The following CCDC7 variants were observed in gnomAD, a reference collection of about 807,000 sequenced individuals.
The protein encoded by CCDC7 is coiled-coil domain-containing protein 7.
CCDC7 carries 183 observed loss-of-function variants against 196.9 expected under a neutral mutation model. That is an observed-to-expected ratio of 0.93 (90% CI 0.82 to 1.05). The LOEUF is 1.05. Among genes scored for constraint, CCDC7 ranks in the 50% least tolerant of loss-of-function variants. The pLI is 0.00. For missense variants in CCDC7, 1,540 were observed against 1,482.2 expected (o/e 1.04, Z -0.64); for synonymous variants, 525 against 484.6 (o/e 1.08, Z -1.10).
chr10:32,763,927 T>C (rs1006725081), intron 28 of CCDC7, among the ~76,000 whole-genome samples: 8 of 151,832 alleles, frequency 5.3e-5, no homozygotes, highest in African/African-American at 1.9e-4. Flanking sequence ...TAGTTAATAT[T>C]CTGTATACTT....
At chr10:32,469,794 G>C (rs1203566216) in intron 5 of CCDC7, among the ~76,000 whole-genome samples, 1 of 152,080 alleles carries the variant, frequency 6.6e-6, no homozygotes, top group East Asian at 1.9e-4. Context: ...AAGAAGCAGA[G>C]AGAGATACAC....
intron 29 of CCDC7, among the ~76,000 whole-genome samples, chr10:32,789,933 G>C (rs2082434153): frequency 1.3e-5 from 2 of 152,176 alleles, no homozygotes; most frequent in Admixed American, 1.3e-4. Context: ...ATACAACAAG[G>C]AAAGCAACGT....
chr10:32,573,183 T>C (rs2057786641), intron 16 of CCDC7, among the ~76,000 whole-genome samples: 1 of 152,176 alleles, frequency 6.6e-6, no homozygotes, highest in South Asian at 2.1e-4. Flanking sequence ...CAGCTGGTGC[T>C]CTTATATTCA....
intron 18 of CCDC7, among the ~76,000 whole-genome samples, chr10:32,622,831 G>A (rs1215715086): frequency 6.6e-6 from 1 of 151,434 alleles, no homozygotes; most frequent in Non-Finnish European, 1.5e-5. Flanking sequence ...CTGTTACAGG[G>A]TTAGCAATAA....
intron 25 of CCDC7, among the ~76,000 whole-genome samples, chr10:32,724,865 C>T (rs769724620): frequency 2.0e-5 from 3 of 152,194 alleles, no homozygotes; most frequent in Admixed American, 1.3e-4. Context: ...CACATCCCTA[C>T]GGAGATCACA....
At chr10:32,464,423 T>A (rs1475095245) in intron 5 of CCDC7, among the ~76,000 whole-genome samples, 2 of 152,202 alleles carry the variant, frequency 1.3e-5, no homozygotes, top group African/African-American at 4.8e-5. Context: ...GATATATTGT[T>A]CTTTCTTATA....
At chr10:32,791,508 G>A (rs1235083587) in intron 29 of CCDC7, among the ~76,000 whole-genome samples, 2 of 151,888 alleles carry the variant, frequency 1.3e-5, no homozygotes, top group Admixed American at 1.3e-4. Flanking sequence ...GAATGATAAA[G>A]TCAATAAAGC....
intron 28 of CCDC7, among the ~76,000 whole-genome samples, chr10:32,767,413 A>G (rs1006235694): frequency 1.3e-5 from 2 of 152,150 alleles, no homozygotes; most frequent in African/African-American, 4.8e-5. Context: ...TTTCTAAACT[A>G]TTGATTGTAT....
At chr10:32,821,653 C>A (rs1030094744) in intron 31 of CCDC7, among the ~76,000 whole-genome samples, 1 of 152,148 alleles carries the variant, frequency 6.6e-6, no homozygotes, top group Non-Finnish European at 1.5e-5. Context: ...GAGCTCATGT[C>A]CTTTGTAGGG....
At chr10:32,674,596 T>C (rs1241020589) in intron 21 of CCDC7, among the ~76,000 whole-genome samples, 1 of 152,114 alleles carries the variant, frequency 6.6e-6, no homozygotes, top group Non-Finnish European at 1.5e-5. Flanking sequence ...GGCTGTTAGG[T>C]CCATTTGGTC....
intron 28 of CCDC7, among the ~76,000 whole-genome samples, chr10:32,764,911 G>A (rs1301510788): frequency 2.0e-5 from 3 of 152,048 alleles, no homozygotes; most frequent in African/African-American, 4.8e-5. Context: ...AATCAAAGTA[G>A]AAATCAGAAT....
At chr10:32,734,951 A>C (rs2084614675) in intron 28 of CCDC7, among the ~76,000 whole-genome samples, 1 of 152,012 alleles carries the variant, frequency 6.6e-6, no homozygotes, top group Non-Finnish European at 1.5e-5. Context: ...AAATAAAATA[A>C]ATTTTAAAAA....
intron 9 of CCDC7, among the ~76,000 whole-genome samples, chr10:32,502,930 G>A (rs2044302613): frequency 6.6e-6 from 1 of 152,016 alleles, no homozygotes; most frequent in African/African-American, 2.4e-5. Flanking sequence ...AAATGGGATT[G>A]TTTTCTTGCC....
At chr10:32,633,754 A>G (rs111494377) in intron 18 of CCDC7, among the ~76,000 whole-genome samples, 1,968 of 89,180 alleles carry the variant, frequency 0.022, 41 homozygotes, top group African/African-American at 0.063. Context: ...GTGTGTGTGT[A>G]TATATATATG....
chr10:32,880,163 C>T (rs958206717), downstream of CCDC7, among the ~76,000 whole-genome samples: 2 of 152,140 alleles, frequency 1.3e-5, no homozygotes, highest in Middle Eastern at 6.3e-3. Context: ...TTTACACTCC[C>T]ACCAGCAGTG....
chr10:32,818,611 A>T (rs1200229285), intron 31 of CCDC7, among the ~76,000 whole-genome samples: 1 of 152,222 alleles, frequency 6.6e-6, no homozygotes, highest in Non-Finnish European at 1.5e-5. Flanking sequence ...CAGCAAATGT[A>T]AAAGCACAGA....
intron 28 of CCDC7, among the ~76,000 whole-genome samples, chr10:32,745,355 C>T (rs756891831): frequency 1.8e-4 from 27 of 152,142 alleles, no homozygotes; most frequent in South Asian, 4.1e-4. Context: ...TTATTTGGTT[C>T]ACAGTTCTGC....
At chr10:32,675,201 T>C (rs1243616944) in intron 21 of CCDC7, among the ~76,000 whole-genome samples, 1 of 152,114 alleles carries the variant, frequency 6.6e-6, no homozygotes, top group Non-Finnish European at 1.5e-5. Context: ...CTTTGTGATT[T>C]GATTACTTTT....
chr10:32,509,453 T>G (rs1315568939), intron 9 of CCDC7, among the ~76,000 whole-genome samples: 1 of 149,330 alleles, frequency 6.7e-6, no homozygotes, highest in African/African-American at 2.5e-5. Flanking sequence ...AACTCCTCGA[T>G]GAAAACATAG....
Sources: gnomAD v4.1 joint callset for allele counts (sites outside exome capture counted in the v4.1 genomes callset) on GRCh38, gnomAD v4.1.1 for gene constraint, MANE v1.5 for transcripts, NCBI Gene and HGNC (gene_info 2026-07-23, HGNC 2026-07-21) for gene names.